FGD6: variants seen among roughly 807,000 people sequenced by gnomAD.
FGD6 encodes FYVE, RhoGEF and PH domain-containing protein 6.
In FGD6, 90 loss-of-function variants were observed where a neutral mutation model predicts 149.4. The observed-to-expected ratio is 0.60, with a 90% CI of 0.51 to 0.72. The LOEUF (loss-of-function observed/expected upper bound fraction) is 0.72. FGD6 is among the 30% of genes least tolerant of loss of function. The pLI, the probability that FGD6 is intolerant of heterozygous loss-of-function variation, is 0.00. For missense variants in FGD6, 1,437 were observed against 1,684.8 expected (o/e 0.85, Z 2.57); for synonymous variants, 527 against 584.0 (o/e 0.90, Z 1.41).
intron 8 of FGD6, among the ~76,000 whole-genome samples, chr12:95,115,645 A>G (rs1451077702): frequency 6.6e-6 from 1 of 152,214 alleles, no homozygotes; most frequent in Non-Finnish European, 1.5e-5. Context: ...AAAGGAGGAA[A>G]GGTGTGTTCA....
At chr12:95,143,272 C>T (rs1879906655) in intron 5 of FGD6, among the ~76,000 whole-genome samples, 1 of 140,602 alleles carries the variant, frequency 7.1e-6, no homozygotes, top group African/African-American at 2.7e-5. Flanking sequence ...CATATATTAA[C>T]CATGAGGTTT....
rs559562340 is a variant in FGD6, at chr12:95,081,158, C to T, written c.*362G>A. 8.8e-4 allele frequency: 138 copies of T among 156,948 alleles called. No individual in the cohort carries two copies. Among genetic ancestry groups the T allele is most frequent in the African/African-American group, 3.1e-3 (128 of 41,740 alleles). The allele number at this position is 156,948 out of a possible 1,614,324, so 9.7% of individuals were successfully genotyped here. A position where few individuals can be genotyped will look rare whatever the true frequency, so the allele number is the denominator to read the frequency against. The stretch of plus-strand genomic sequence containing the variant: ...GTTTTTTCCTTACAAAGACTTTCCA[C>T]CAGTAAGATTGTTACAATGTAAGGT... On this transcript the variant is annotated 3_prime_UTR_variant, in exon 21 of 21. Coordinates refer to ENST00000343958, the MANE Select transcript of FGD6 (RefSeq NM_018351.4).
chr12:95,185,498 G>C (rs1279739149), intron 2 of FGD6, among the ~76,000 whole-genome samples: 1 of 152,144 alleles, frequency 6.6e-6, no homozygotes, highest in African/African-American at 2.4e-5. Context: ...TTGAAGGCAG[G>C]GTCCACCACT....
chr12:95,098,111 T>C (rs746141251), intron 14 of FGD6, among the ~76,000 whole-genome samples: 5 of 152,116 alleles, frequency 3.3e-5, no homozygotes, highest in Admixed American at 6.6e-5. Context: ...AAACTGCCCC[T>C]TGATGGCTGC....
intron 3 of FGD6, among the ~76,000 whole-genome samples, chr12:95,157,178 C>A (rs1880496695): frequency 6.6e-6 from 1 of 152,222 alleles, no homozygotes; most frequent in Non-Finnish European, 1.5e-5. Flanking sequence ...AGCCACTAAT[C>A]TTACAGTTTG....
intron 14 of FGD6, 33 bp downstream of exon 14, chr12:95,104,974 A>G (rs764185329): frequency 1.4e-4 from 109 of 753,522 alleles, no homozygotes; most frequent in Non-Finnish European, 1.6e-4. Context: ...AGAATGAGAA[A>G]AAAAAAAAAA....
At chr12:95,092,632 C>T (rs779278297) in intron 16 of FGD6, 67 bp downstream of exon 16, 40 of 1,495,004 alleles carry the variant, frequency 2.7e-5, no homozygotes, top group Admixed American at 3.9e-5. Context: ...GGGAAATATG[C>T]TTCCTCACTA....
At chr12:95,098,901 G>A (rs767767079) in intron 14 of FGD6, among the ~76,000 whole-genome samples, 12 of 133,038 alleles carry the variant, frequency 9.0e-5, no homozygotes, top group Admixed American at 6.0e-4. Flanking sequence ...ACGGAGTCTC[G>A]CTCTGTTGCC....
Position 95,217,385 on chromosome 12 carries a change from CCACA to C in FGD6, c.-149_-146del. ...GCCGCCCCGCGGCGCAGCCTGAGCG[CCACA>C]CAAAGGACGCGGCCGACTCTAGCGA... On this transcript the variant is annotated 5_prime_UTR_variant, in exon 1 of 21. Transcript: ENST00000343958. The C allele has an allele frequency of 5.4e-6, 7 of 1,288,426 alleles. No homozygotes were observed. The South Asian group carries it at 1.0e-4, about 19-fold the overall frequency. 79.8% of individuals were successfully genotyped at this position (1,288,426 alleles called of 1,614,324 possible).
At chr12:95,188,161 G>A (rs869290030) in intron 2 of FGD6, among the ~76,000 whole-genome samples, 3 of 151,864 alleles carry the variant, frequency 2.0e-5, no homozygotes, top group Admixed American at 6.6e-5. Flanking sequence ...ATAAAGCAAA[G>A]AGTCCTATTT....
rs149533885 is a variant in FGD6, at chr12:95,108,350, G to T, written c.3262C>A (p.Arg1088=). 1.9e-6 allele frequency: 3 copies of T among 1,613,390 alleles called. No individual in the cohort carries two copies. The highest frequency in any genetic ancestry group is 2.2e-5 in the South Asian group (2 of 90,908). The change falls in exon 11 of 21, where the codon CGG becomes AGG. Residue 1088 remains arginine (R), a splice_region_variant and synonymous_variant. Coordinates refer to ENST00000343958, the MANE Select transcript of FGD6 (RefSeq NM_018351.4). ...GAAAAGCAATGTAAAATGCTTACCC[G>T]ACCAGGCTGCACAATTTCATGGTGT... ...NGHHEIVQPG[R]VFLKEGILMK... is the part of the protein sequence containing the mutation.
chr12:95,108,408 C>T lies in FGD6; in HGVS notation c.3204G>A (p.Gln1068=). ...AGCTGTACTGAATTTGCATAAGTTT[C>T]TGAAAGTTGTCCTACAGAAAGACAA... The part of the protein sequence containing the change: ...NDTMKQGDNF[Q]KLMQIQYSLN... The change falls in exon 11 of 21, where the codon CAG becomes CAA. Residue 1068 remains glutamine, a synonymous_variant. Transcript: ENST00000343958. 6.2e-7 allele frequency: 1 copy of T among 1,614,060 alleles called. No homozygotes were observed.
chr12:95,207,954 C>A (rs2056701541), intron 2 of FGD6, among the ~76,000 whole-genome samples: 1 of 152,058 alleles, frequency 6.6e-6, no homozygotes. Flanking sequence ...AGTGCACACA[C>A]AAAAGTGAGA....
intron 14 of FGD6, among the ~76,000 whole-genome samples, chr12:95,097,007 C>T (rs373934596): frequency 6.6e-6 from 1 of 152,322 alleles, no homozygotes; most frequent in Admixed American, 6.5e-5. Flanking sequence ...GCCCGGGGAG[C>T]ATGTGGAATG....
chr12:95,193,755 C>T (rs984458476), intron 2 of FGD6, among the ~76,000 whole-genome samples: 1 of 152,050 alleles, frequency 6.6e-6, no homozygotes, highest in Non-Finnish European at 1.5e-5. Context: ...TCTCAAACTC[C>T]TGACCCCAGG....
intron 3 of FGD6, among the ~76,000 whole-genome samples, chr12:95,165,613 C>T (rs546273994): frequency 6.6e-6 from 1 of 151,792 alleles, no homozygotes; most frequent in East Asian, 1.9e-4. Context: ...GCTAAGATTA[C>T]AGGCATGAGC....
chr12:95,146,571 TAG>T (rs1049043687), intron 5 of FGD6, among the ~76,000 whole-genome samples: 15 of 152,282 alleles, frequency 9.9e-5, no homozygotes, highest in African/African-American at 2.4e-4. Flanking sequence ...TAGTTAGCTA[TAG>T]AGTTTGTTAG....
chr12:95,174,670 T>G (rs1384754278), intron 2 of FGD6, among the ~76,000 whole-genome samples: 1 of 152,196 alleles, frequency 6.6e-6, no homozygotes, highest in Non-Finnish European at 1.5e-5. Context: ...GGCTCACGCC[T>G]GTAATCCCAG....
intron 8 of FGD6, among the ~76,000 whole-genome samples, chr12:95,117,209 C>G (rs1206444567): frequency 6.6e-6 from 1 of 152,056 alleles, no homozygotes; most frequent in Non-Finnish European, 1.5e-5. Flanking sequence ...AAAACTGCCT[C>G]AAATGCCACT....
Sources: allele counts gnomAD v4.1 joint callset (sites outside exome capture counted in the v4.1 genomes callset), GRCh38; gene constraint gnomAD v4.1.1; transcripts MANE v1.5; gene names NCBI Gene and HGNC (gene_info 2026-07-23, HGNC 2026-07-21).